CPQ: variants seen among roughly 807,000 people sequenced by gnomAD.
The protein encoded by CPQ is carboxypeptidase Q.
CPQ carries 37 observed loss-of-function variants against 45.7 expected under a neutral mutation model. The ratio of observed to expected loss-of-function variants is 0.81; its 90% CI spans 0.62 to 1.07. CPQ has a LOEUF of 1.07. Among genes scored for constraint, CPQ ranks in the 50% least tolerant of loss-of-function variants. The pLI, the probability that CPQ is intolerant of heterozygous loss-of-function variation, is 0.00. For synonymous variants in CPQ, 186 were observed against 205.8 expected, an observed-to-expected ratio of 0.90 and a Z score of 0.82; for missense variants, 537 against 572.9, an observed-to-expected ratio of 0.94 and a Z score of 0.64.
intron 5 of CPQ, among the ~76,000 whole-genome samples, chr8:96,995,654 AG>A (rs1809167050): frequency 6.7e-6 from 1 of 149,404 alleles, no homozygotes; most frequent in African/African-American, 2.5e-5. Context: ...TAGACTTGTG[AG>A]GTTTTTTTTT....
At position 96,676,133 on chromosome 8, in the gene CPQ, A is replaced by C. The variant is rs935394847; in HGVS notation, c.-35+30731A>C. Among the ~76,000 whole-genome samples the C allele has an allele frequency of 2.0e-5, 3 of 152,042 alleles. No individual in the cohort carries two copies. The East Asian group carries it at 5.8e-4, about 29-fold the overall frequency. On this transcript the variant is annotated intron_variant, in intron 1 of 7. Transcript: ENST00000220763. The stretch of plus-strand genomic sequence containing the variant: ...TTTATCATTTCTTTGCTTTGGGAAC[A>C]TTTCAATTCTTTTAGCAATTTTGAA...
At chr8:96,814,438 C>A (rs1811199550) in intron 2 of CPQ, among the ~76,000 whole-genome samples, 1 of 152,184 alleles carries the variant, frequency 6.6e-6, no homozygotes, top group East Asian at 1.9e-4. Context: ...GGAGGCTCCA[C>A]AAGAGCTTCA....
intron 1 of CPQ, among the ~76,000 whole-genome samples, chr8:96,717,312 C>T (rs1032873942): frequency 1.3e-5 from 2 of 151,588 alleles, no homozygotes; most frequent in African/African-American, 4.9e-5. Context: ...CACTGTTTTC[C>T]ATAGTGGTTT....
At position 97,006,276 on chromosome 8, in the gene CPQ, T is replaced by C. The variant is rs184649875; in HGVS notation, c.962-23127T>C. On this transcript the variant is annotated intron_variant, in intron 5 of 7. Transcript: ENST00000220763. ...GTGTGATTGAGATGTGGTGAAAGAA[T>C]CTGAAAGTTGAGTTGTTTTTTTTTA... 1.9e-3 allele frequency among the ~76,000 whole-genome samples: 286 copies of C among 152,232 alleles called. 3 individuals are homozygous for C. Among genetic ancestry groups the C allele is most frequent in the African/African-American group, 6.7e-3 (277 of 41,544 alleles).
chr8:96,846,534 AT>A (rs1811692845), intron 3 of CPQ, among the ~76,000 whole-genome samples: 1 of 152,112 alleles, frequency 6.6e-6, no homozygotes, highest in Non-Finnish European at 1.5e-5. Context: ...TTTCTTTTAT[AT>A]GCATCTACAT....
intron 4 of CPQ, among the ~76,000 whole-genome samples, chr8:96,949,298 T>A (rs1813230358): frequency 6.6e-6 from 1 of 152,060 alleles, no homozygotes; most frequent in African/African-American, 2.4e-5. Context: ...CTTGTTGACA[T>A]TTTTAGTATT....
chr8:96,913,177 C>G (rs999754064), intron 4 of CPQ, among the ~76,000 whole-genome samples: 1 of 152,180 alleles, frequency 6.6e-6, no homozygotes, highest in South Asian at 2.1e-4. Flanking sequence ...AAGCATTGAG[C>G]AAGCAATTAG....
At chr8:96,740,748 T>G (rs1810074946) in intron 1 of CPQ, among the ~76,000 whole-genome samples, 1 of 152,204 alleles carries the variant, frequency 6.6e-6, no homozygotes, top group Admixed American at 6.5e-5. Flanking sequence ...TGGTTCTGTT[T>G]ATATGCTGGA....
intron 3 of CPQ, among the ~76,000 whole-genome samples, chr8:96,850,583 ATTTT>A: frequency 9.5e-6 from 1 of 105,120 alleles, no homozygotes; most frequent in African/African-American, 3.8e-5. Flanking sequence ...ATTTTATTTT[ATTTT>A]ATTTATTTAT....
At chr8:96,932,626 A>G (rs935304395) in intron 4 of CPQ, among the ~76,000 whole-genome samples, 8 of 152,166 alleles carry the variant, frequency 5.3e-5, no homozygotes, top group Non-Finnish European at 1.0e-4. Flanking sequence ...CGTGAATTAC[A>G]TGTTCTTGGA....
chr8:96,768,566 CA>C (rs1810498075), intron 1 of CPQ, among the ~76,000 whole-genome samples: 1 of 152,120 alleles, frequency 6.6e-6, no homozygotes, highest in Non-Finnish European at 1.5e-5. Context: ...ACCAGCATAT[CA>C]GATTTTAAAA....
At chr8:97,097,025 G>A (rs893489976) in intron 7 of CPQ, among the ~76,000 whole-genome samples, 4 of 152,168 alleles carry the variant, frequency 2.6e-5, no homozygotes, top group Non-Finnish European at 4.4e-5. Flanking sequence ...ACACAGTATG[G>A]TTCTATTCTT....
intron 5 of CPQ, among the ~76,000 whole-genome samples, chr8:97,012,374 T>A (rs897236003): frequency 6.6e-6 from 1 of 152,222 alleles, no homozygotes; most frequent in Admixed American, 6.5e-5. Flanking sequence ...ATGTATTAAA[T>A]GTTGAAATTT....
chr8:96,967,418 A>G (rs951211933), intron 5 of CPQ, among the ~76,000 whole-genome samples: 16 of 152,208 alleles, frequency 1.1e-4, no homozygotes, highest in African/African-American at 3.9e-4. Context: ...TAAGCTTCAG[A>G]GTATTTCATT....
At position 97,029,376 on chromosome 8, in the gene CPQ, C is replaced by T. The variant is rs377672247; in HGVS notation, c.962-27C>T. The T allele has an allele frequency of 1.5e-5, 24 of 1,552,178 alleles. No individual in the cohort carries two copies. The African/African-American group carries it at 3.3e-4, about 21-fold the overall frequency. ...TAAAATTCAAAATCAACTAAAGTATCACTTTTTTATTTTATTATTTTCCCA... is the reference window on the plus strand; with the variant it reads ...TAAAATTCAAAATCAACTAAAGTATTACTTTTTTATTTTATTATTTTCCCA... On this transcript the variant is annotated intron_variant, in intron 5 of 7. Coordinates refer to ENST00000220763, the MANE Select transcript of CPQ (RefSeq NM_016134.4).
At chr8:96,742,949 G>C (rs187309903) in intron 1 of CPQ, among the ~76,000 whole-genome samples, 5 of 152,076 alleles carry the variant, frequency 3.3e-5, no homozygotes, top group Non-Finnish European at 5.9e-5. Flanking sequence ...TGACAATTAT[G>C]TGTCTTGGTG....
chr8:96,693,534 C>T (rs147063121), intron 1 of CPQ, among the ~76,000 whole-genome samples: 218 of 152,234 alleles, frequency 1.4e-3, no homozygotes, highest in Non-Finnish European at 2.7e-3. Flanking sequence ...GAAAACTTTA[C>T]AGGCCAGGAG....
At chr8:96,756,483 A>C (rs1347377607) in intron 1 of CPQ, among the ~76,000 whole-genome samples, 1 of 152,148 alleles carries the variant, frequency 6.6e-6, no homozygotes, top group African/African-American at 2.4e-5. Flanking sequence ...GAATTTTAAT[A>C]TAATAGTTAT....
At chr8:97,036,358 T>C (rs1422161887) in intron 6 of CPQ, among the ~76,000 whole-genome samples, 1 of 152,212 alleles carries the variant, frequency 6.6e-6, no homozygotes, top group Non-Finnish European at 1.5e-5. Context: ...ATTGATAAAT[T>C]ACATTTTTTA....
Sources: gnomAD v4.1 joint callset for allele counts (sites outside exome capture counted in the v4.1 genomes callset) on GRCh38, gnomAD v4.1.1 for gene constraint, MANE v1.5 for transcripts, NCBI Gene and HGNC (gene_info 2026-07-23, HGNC 2026-07-21) for gene names.